GRIK2: variants seen among roughly 807,000 people sequenced by gnomAD.
GRIK2 encodes the protein glutamate receptor ionotropic, kainate 2.
A neutral mutation model predicts 100.3 loss-of-function variants in GRIK2; 32 were observed. The ratio of observed to expected loss-of-function variants is 0.32; its 90% confidence interval spans 0.24 to 0.43. GRIK2 has a LOEUF of 0.43. GRIK2 is among the 20% of genes least tolerant of loss of function. The pLI is 1.00. For missense variants in GRIK2, 843 were observed against 1,114.9 expected (o/e 0.76, Z 3.47); for synonymous variants, 417 against 389.4 (o/e 1.07, Z -0.83).
In GRIK2 at chr6:102,035,394, G is replaced by A; in HGVS notation, c.2139G>A (p.Arg713=). 3 of 1,609,008 alleles carry A rather than the reference G, an allele frequency of 1.9e-6. No individual in the cohort carries two copies. The highest frequency in any genetic ancestry group is 2.5e-6 in the Non-Finnish European group (3 of 1,176,494). The change falls in exon 15 of 17, where the codon AGG becomes AGA. Residue 713 remains arginine (R), a synonymous_variant. Transcript: ENST00000369134. ...DKMWAFMSSR[R]QSVLVKSNEE... is the part of the protein sequence containing the mutation. ...TGTGGGCCTTTATGAGTAGCAGAAG[G>A]CAGTCAGTGCTGGTCAAAAGTAATG...
chr6:101,851,427 C>T (rs1169631673), intron 10 of GRIK2, among the ~76,000 whole-genome samples: 2 of 151,846 alleles, frequency 1.3e-5, no homozygotes, highest in African/African-American at 2.4e-5. Context: ...GTGTTCAAGT[C>T]AGTTTCTGTG....
intron 2 of GRIK2, among the ~76,000 whole-genome samples, chr6:101,541,376 C>CCCACACACACACACACACA (rs1554217240): frequency 0.018 from 102 of 5,594 alleles, no homozygotes; most frequent in African/African-American, 0.026. Flanking sequence ...GCGCACACAA[C>CCCACACACACACACACACA]CACACACACA....
At chr6:101,895,682 G>A (rs1350367971) in intron 12 of GRIK2, among the ~76,000 whole-genome samples, 1 of 151,598 alleles carries the variant, frequency 6.6e-6, no homozygotes, top group Non-Finnish European at 1.5e-5. Context: ...TTTGTTGTTT[G>A]TCTTTGCCAC....
At chr6:101,759,612 G>A (rs1249116680) in intron 7 of GRIK2, among the ~76,000 whole-genome samples, 1 of 152,100 alleles carries the variant, frequency 6.6e-6, no homozygotes, top group East Asian at 1.9e-4. Flanking sequence ...AACAGATTCA[G>A]CAATGGTCAT....
intron 14 of GRIK2, among the ~76,000 whole-genome samples, chr6:101,965,066 T>G (rs1213956482): frequency 6.6e-6 from 1 of 152,112 alleles, no homozygotes; most frequent in Admixed American, 6.6e-5. Flanking sequence ...ATTGAGGCAT[T>G]TGGGTGTGGT....
At position 101,922,729 on chromosome 6, in the gene GRIK2, G is replaced by T. The variant is rs539506161; in HGVS notation, c.1749-1872G>T. Among the ~76,000 whole-genome samples, 5 of 152,238 alleles carry T rather than the reference G, an allele frequency of 3.3e-5. No homozygotes were observed. In the East Asian group the frequency reaches 9.7e-4, roughly 30 times the overall value. On this transcript the variant is annotated intron_variant, in intron 12 of 16. Coordinates refer to ENST00000369134, the MANE Select transcript of GRIK2 (RefSeq NM_021956.5). ...ATGGCTGTGAGGGATGGAGATGGGT[G>T]CTCTAGCAGCAGAGCCCGTTCATGA... is the stretch of plus-strand genomic sequence containing the variant.
intron 14 of GRIK2, among the ~76,000 whole-genome samples, chr6:101,981,160 T>C (rs938582815): frequency 1.3e-5 from 2 of 151,810 alleles, no homozygotes; most frequent in Non-Finnish European, 2.9e-5. Flanking sequence ...GTTGATGACA[T>C]CATCCCACTC....
chr6:101,955,615 T>TCTCTCTC (rs1405718742), intron 14 of GRIK2, among the ~76,000 whole-genome samples: 1 of 93,208 alleles, frequency 1.1e-5, no homozygotes, highest in African/African-American at 4.2e-5. Flanking sequence ...TCTCTCTCTC[T>TCTCTCTC]CCCCCCCATT....
At chr6:102,041,065 T>C (rs1260521242) in intron 15 of GRIK2, among the ~76,000 whole-genome samples, 2 of 151,618 alleles carry the variant, frequency 1.3e-5, no homozygotes, top group African/African-American at 4.8e-5. Flanking sequence ...ATTTGTTAAG[T>C]CTAGATTATA....
intron 15 of GRIK2, among the ~76,000 whole-genome samples, chr6:102,048,777 G>A (rs1305699640): frequency 3.3e-5 from 5 of 151,940 alleles, no homozygotes; most frequent in Admixed American, 6.6e-5. Flanking sequence ...GAACCAAAGC[G>A]AGCAACTAGT....
At chr6:101,917,363 T>A (rs1789185274) in intron 12 of GRIK2, among the ~76,000 whole-genome samples, 1 of 151,756 alleles carries the variant, frequency 6.6e-6, no homozygotes, top group South Asian at 2.1e-4. Flanking sequence ...CAAACTGGCC[T>A]GATCACCTAT....
chr6:101,649,516 G>A (rs547955412), intron 4 of GRIK2, among the ~76,000 whole-genome samples: 2 of 152,154 alleles, frequency 1.3e-5, no homozygotes, highest in South Asian at 4.1e-4. Context: ...ACATCATAGA[G>A]ATGTTTACTA....
At chr6:101,695,605 A>G (rs1027706777) in intron 7 of GRIK2, among the ~76,000 whole-genome samples, 2 of 152,124 alleles carry the variant, frequency 1.3e-5, no homozygotes, top group African/African-American at 4.8e-5. Context: ...CACAGTATTA[A>G]TAGGATAAGC....
intron 2 of GRIK2, among the ~76,000 whole-genome samples, chr6:101,532,657 TGTG>T (rs1582656925): frequency 6.6e-6 from 1 of 151,594 alleles, no homozygotes; most frequent in East Asian, 1.9e-4. Context: ...TTTTAGTAAA[TGTG>T]GTAAAATATA....
intron 7 of GRIK2, among the ~76,000 whole-genome samples, chr6:101,756,873 T>A (rs1367817673): frequency 1.3e-5 from 2 of 152,190 alleles, no homozygotes. Context: ...ATAAAAAATT[T>A]GGCATTTTTT....
intron 2 of GRIK2, among the ~76,000 whole-genome samples, chr6:101,441,144 C>T (rs1306213627): frequency 1.3e-5 from 2 of 151,920 alleles, no homozygotes; most frequent in Non-Finnish European, 2.9e-5. Context: ...ACACCCAGCC[C>T]AGGCCTTCAG....
At chr6:101,621,592 G>A (rs1163461070) in intron 2 of GRIK2, among the ~76,000 whole-genome samples, 1 of 151,986 alleles carries the variant, frequency 6.6e-6, no homozygotes, top group Non-Finnish European at 1.5e-5. Context: ...TTTTGGGGGG[G>A]ATAAATTTCA....
intron 2 of GRIK2, among the ~76,000 whole-genome samples, chr6:101,408,991 A>G (rs1386832422): frequency 6.6e-6 from 1 of 152,144 alleles, no homozygotes; most frequent in Non-Finnish European, 1.5e-5. Flanking sequence ...AAAATGCATT[A>G]GAGAACAATT....
chr6:101,953,011 A>T (rs11970605), intron 14 of GRIK2, among the ~76,000 whole-genome samples: 1,731 of 152,314 alleles, frequency 0.011, 37 homozygotes, highest in African/African-American at 0.04. Context: ...AAAACTTCTT[A>T]GTCTGAATAT....
Sources: allele counts gnomAD v4.1 joint callset (sites outside exome capture counted in the v4.1 genomes callset), GRCh38; gene constraint gnomAD v4.1.1; transcripts MANE v1.5; gene names NCBI Gene and HGNC (gene_info 2026-07-23, HGNC 2026-07-21).